CEP89: variants seen among roughly 807,000 people sequenced by gnomAD.
CEP89 encodes the protein centrosomal protein of 89 kDa.
In CEP89, 95 loss-of-function variants were observed where a neutral mutation model predicts 97.6. The ratio of observed to expected loss-of-function variants is 0.97; its 90% CI spans 0.82 to 1.15. The LOEUF is 1.15. Among genes scored for constraint, CEP89 ranks in the 50% most tolerant of loss-of-function variants. The pLI is 0.00. For missense variants in CEP89, 869 were observed against 947.7 expected (o/e 0.92, Z 1.09); for synonymous variants, 354 against 349.1 (o/e 1.01, Z -0.16).
At chr19:32,902,500 C>A (rs1334773949) in intron 14 of CEP89, among the ~76,000 whole-genome samples, 2 of 152,178 alleles carry the variant, frequency 1.3e-5, no homozygotes, top group African/African-American at 4.8e-5. Flanking sequence ...GATAGAGTTA[C>A]AGAGACCAGA....
In CEP89 at chr19:32,933,475, C is replaced by A; in HGVS notation, c.862G>T (p.Ala288Ser). The A allele has an allele frequency of 5.6e-6, 9 of 1,614,002 alleles. No homozygotes were observed. In the South Asian group the frequency reaches 9.9e-5, roughly 18 times the overall value. The change falls in exon 8 of 19, where the codon GCT becomes TCT. Residue 288 changes from alanine (A) to serine (S), a missense_variant. Physicochemically the swap from Ala to Ser is moderately conservative, Grantham distance 99. Coordinates refer to ENST00000305768, the MANE Select transcript of CEP89 (RefSeq NM_032816.5). The stretch of plus-strand genomic sequence containing the variant: ...CCTTCCTGTGACGACGCCTTCTCAG[C>A]CTCTTTGAGCTTTCTCTTCTCTTTT... The part of the protein sequence containing the change: ...MEKEKRKLKE[A>S]EKASSQEVAA...
chr19:32,881,782 CA>C (rs1298298304), intron 18 of CEP89, 61 bp downstream of exon 18: 3 of 1,452,472 alleles, frequency 2.1e-6, no homozygotes, highest in Non-Finnish European at 2.8e-6. Context: ...AGGGTTTTAG[CA>C]GAACCCTCAA....
intron 14 of CEP89, among the ~76,000 whole-genome samples, chr19:32,912,828 G>A (rs1395213286): frequency 6.6e-6 from 1 of 151,504 alleles, no homozygotes; most frequent in African/African-American, 2.4e-5. Flanking sequence ...GGATCACGAG[G>A]TCAGGAGATC....
intron 4 of CEP89, among the ~76,000 whole-genome samples, chr19:32,951,511 TTATATATATATA>T (rs72440449): frequency 0.18 from 24,021 of 131,894 alleles, 2,341 homozygotes; most frequent in Admixed American, 0.3. Context: ...CAACAAAAAA[TTATATATATATA>T]TATATATATA....
intron 7 of CEP89, among the ~76,000 whole-genome samples, chr19:32,935,673 G>A (rs1970565123): frequency 6.6e-6 from 1 of 152,192 alleles, no homozygotes; most frequent in Non-Finnish European, 1.5e-5. Context: ...CAGTGACACT[G>A]ATGGCAGCAG....
rs113440848 is a variant in CEP89, at chr19:32,939,487, G to A, written c.624+370C>T. 3.2e-3 allele frequency among the ~76,000 whole-genome samples: 480 copies of A among 151,950 alleles called. 5 individuals are homozygous for A. Among genetic ancestry groups the A allele is most frequent in the African/African-American group, 0.011 (464 of 41,430 alleles). Reference sequence around the variant, plus strand: ...AGCTCAGGAGTTTGAGACCAGCCTGGGTAATATGGTGAAACCCCATCTTTA... The same window carrying A: ...AGCTCAGGAGTTTGAGACCAGCCTGAGTAATATGGTGAAACCCCATCTTTA... On this transcript the variant is annotated intron_variant, in intron 6 of 18. Transcript: ENST00000305768.
intron 14 of CEP89, among the ~76,000 whole-genome samples, chr19:32,913,795 T>C (rs988736185): frequency 2.0e-5 from 3 of 151,954 alleles, no homozygotes; most frequent in African/African-American, 7.3e-5. Flanking sequence ...CCTGCCACCA[T>C]GCCTGGCTAA....
intron 2 of CEP89, among the ~76,000 whole-genome samples, chr19:32,962,291 T>G (rs887667782): frequency 3.9e-5 from 6 of 152,218 alleles, no homozygotes; most frequent in Admixed American, 2.6e-4. Flanking sequence ...TCTGCCGCCA[T>G]GTAAGACATG....
chr19:32,920,109 C>T (rs766698955), intron 12 of CEP89, among the ~76,000 whole-genome samples: 10 of 152,200 alleles, frequency 6.6e-5, no homozygotes, highest in African/African-American at 1.2e-4. Flanking sequence ...GCCATCAGAG[C>T]TCACTGTAGC....
intron 9 of CEP89, among the ~76,000 whole-genome samples, chr19:32,928,721 A>G (rs552404474): frequency 8.5e-5 from 13 of 152,144 alleles, no homozygotes; most frequent in Non-Finnish European, 1.6e-4. Context: ...GCAGATTTAT[A>G]TAAGTAGCTC....
chr19:32,937,391 A>G, intron 7 of CEP89: 1 of 446,232 alleles, frequency 2.2e-6, no homozygotes, highest in South Asian at 2.4e-5. Flanking sequence ...CCAGGATCCC[A>G]GCATATCCCA....
intron 16 of CEP89, among the ~76,000 whole-genome samples, chr19:32,890,475 T>G (rs1431675074): frequency 6.6e-6 from 1 of 152,064 alleles, no homozygotes. Flanking sequence ...AGGCACAGGA[T>G]GTCAGACTCC....
Position 32,971,824 on chromosome 19 carries a change from G to A in CEP89, c.39+12C>T. On this transcript the variant is annotated intron_variant, in intron 1 of 18. Coordinates refer to ENST00000305768, the MANE Select transcript of CEP89 (RefSeq NM_032816.5). ...ACAGAGCCCCACGCGCGGCGGGCGAGCATCTACTTACGAAATGACTCCTGC... is the reference window on the plus strand; with the variant it reads ...ACAGAGCCCCACGCGCGGCGGGCGAACATCTACTTACGAAATGACTCCTGC... The A allele has an allele frequency of 1.9e-6, 3 of 1,590,796 alleles. No individual in the cohort carries two copies. The highest frequency in any genetic ancestry group is 2.6e-6 in the Non-Finnish European group (3 of 1,168,000).
At chr19:32,922,104 A>G (rs1333771560) in intron 12 of CEP89, among the ~76,000 whole-genome samples, 1 of 152,206 alleles carries the variant, frequency 6.6e-6, no homozygotes, top group Non-Finnish European at 1.5e-5. Context: ...GCGGGGCCAC[A>G]CACAAAAATG....
chr19:32,911,812 AGGAGTT>A (rs1238294110), intron 14 of CEP89, among the ~76,000 whole-genome samples: 1 of 152,190 alleles, frequency 6.6e-6, no homozygotes, highest in African/African-American at 2.4e-5. Context: ...AGGGAGAAGG[AGGAGTT>A]GGAGAGAAAC....
chr19:32,899,897 G>C lies in CEP89; in HGVS notation c.1835C>G (p.Ala612Gly). The C allele has an allele frequency of 6.2e-7, 1 of 1,613,814 alleles. No homozygotes were observed. Among genetic ancestry groups the C allele is most frequent in the Non-Finnish European group, 8.5e-7 (1 of 1,179,776 alleles). ...GTCACGTTCCTGGGTTATGTTTTCT[G>C]CCAGGCCAACAAGGTTTGCCAGGTA... ...HQYLANLVGL[A>G]ENITQERDSL... Residue 612 changes from alanine to glycine, a missense_variant, in exon 16 of 19, where the codon GCA becomes GGA. Coordinates refer to ENST00000305768, the MANE Select transcript of CEP89 (RefSeq NM_032816.5).
At chr19:32,926,296 G>A (rs767736346) in intron 10 of CEP89, 23 bp from the exon 11 acceptor site, 6 of 1,536,106 alleles carry the variant, frequency 3.9e-6, no homozygotes, top group Non-Finnish European at 5.4e-6. Context: ...AGTAAAGGAA[G>A]GTTAATATAT....
At chr19:32,962,666 T>G (rs1179492331) in intron 2 of CEP89, among the ~76,000 whole-genome samples, 1 of 152,174 alleles carries the variant, frequency 6.6e-6, no homozygotes, top group African/African-American at 2.4e-5. Context: ...AGGCACTGTT[T>G]AAGAGAATGA....
chr19:32,922,680 T>A (rs1190118069), intron 12 of CEP89, among the ~76,000 whole-genome samples: 1 of 151,908 alleles, frequency 6.6e-6, no homozygotes, highest in Non-Finnish European at 1.5e-5. Flanking sequence ...AAACCCCATC[T>A]CTACTAAAAA....
Sources: allele counts gnomAD v4.1 joint callset (sites outside exome capture counted in the v4.1 genomes callset), GRCh38; gene constraint gnomAD v4.1.1; transcripts MANE v1.5; gene names NCBI Gene and HGNC (gene_info 2026-07-23, HGNC 2026-07-21).